STX11: variants seen among roughly 807,000 people sequenced by gnomAD.
The protein encoded by STX11 is syntaxin 11.
A neutral mutation model predicts 19.9 loss-of-function variants in STX11; 21 were observed. That is an observed-to-expected ratio of 1.06 (90% confidence interval 0.75 to 1.52). The LOEUF is 1.52. Ranked by LOEUF, STX11 falls within the 40% of genes most tolerant of loss-of-function variation. STX11 has a pLI of 0.00. For missense variants in STX11, 438 were observed against 405.9 expected (o/e 1.08, Z -0.68); for synonymous variants, 193 against 174.4 (o/e 1.11, Z -0.84).
At position 144,154,117 on chromosome 6, in the gene STX11, A is replaced by G. The variant is rs548056016; in HGVS notation, c.-6+3414A>G. 3.9e-5 allele frequency among the ~76,000 whole-genome samples: 6 copies of G among 152,330 alleles called. No homozygotes were observed. Among genetic ancestry groups the G allele is most frequent in the Admixed American group, 1.3e-4 (2 of 15,308 alleles). ...TGGTGAAGAAAGTGCAGTGTTAGTA[A>G]CTGACAGAGCCAGAAATGGATCCCA... On this transcript the variant is annotated intron_variant, in intron 1 of 1. Coordinates refer to ENST00000367568, the MANE Select transcript of STX11 (RefSeq NM_003764.4). The surrounding 1 kb of genome is among the most constrained non-coding windows in gnomAD (Gnocchi z 4.7).
upstream of STX11, among the ~76,000 whole-genome samples, chr6:144,147,475 C>G (rs1048366228): frequency 1.3e-5 from 2 of 152,142 alleles, no homozygotes; most frequent in African/African-American, 4.8e-5. This position sits in a 1 kb window ranked among gnomAD's most constrained non-coding sequence, Gnocchi z 4.2. Flanking sequence ...TTCTCATTCT[C>G]TTTTTTTGAT....
rs1802091920 is a variant in STX11 at position 144,187,485 on chromosome 6, C to A, written c.858C>A (p.Leu286=). The A allele has an allele frequency of 6.2e-7, 1 of 1,612,458 alleles. No homozygotes were observed. Among genetic ancestry groups the A allele is most frequent in the Admixed American group, 1.7e-5 (1 of 60,008 alleles). The change falls in exon 2 of 2, where the codon CTC becomes CTA. Residue 286 remains leucine (L), a synonymous_variant. Coordinates refer to ENST00000367568, the MANE Select transcript of STX11 (RefSeq NM_003764.4). The surrounding 1 kb of genome is among the most constrained non-coding windows in gnomAD (Gnocchi z 5.6). ...TCTGCTGCTTCTGCTGTCCCTGCCT[C>A]AAGTAGCAGGCCGGCCCGGGCCGCC... ...RTLCCFCCPC[L]K
rs1801503134 is a variant in STX11 at position 144,167,095 on chromosome 6, C to T, written c.-6+16392C>T. Among the ~76,000 whole-genome samples the T allele has an allele frequency of 1.3e-5, 2 of 152,144 alleles. No individual in the cohort carries two copies. Among genetic ancestry groups the T allele is most frequent in the Admixed American group, 6.6e-5 (1 of 15,264 alleles). The stretch of plus-strand genomic sequence containing the variant: ...CAGGATTGGTTCTTCTGAACACTGT[C>T]TCTTAAGTGTTGGCAACCTTCTGGT... On this transcript the variant is annotated intron_variant, in intron 1 of 1. Coordinates refer to ENST00000367568, the MANE Select transcript of STX11 (RefSeq NM_003764.4). The surrounding 1 kb of genome is among the most constrained non-coding windows in gnomAD (Gnocchi z 5.0).
chr6:144,186,742 C>A lies in STX11; in HGVS notation c.115C>A (p.His39Asn). 1 of 1,614,166 alleles carries A rather than the reference C, an allele frequency of 6.2e-7. No individual in the cohort carries two copies. The highest frequency in any genetic ancestry group is 8.5e-7 in the Non-Finnish European group (1 of 1,180,034). ...PHEDIVFETD[H>N]ILESLYRDIR... is the part of the protein sequence containing the mutation. ...CGAGGACATCGTGTTCGAGACGGAC[C>A]ACATCCTGGAGTCCCTGTACCGAGA... The change falls in exon 2 of 2, where the codon CAC becomes AAC. Residue 39 changes from histidine (H) to asparagine (N), a missense_variant. His to Asn is a moderately conservative substitution (Grantham distance 68, BLOSUM62 1). Transcript: ENST00000367568.
rs1030690293 is a variant in STX11, at chr6:144,191,467, A to G, written c.*3976A>G. Among the ~76,000 whole-genome samples the G allele has an allele frequency of 6.6e-6, 1 of 151,598 alleles. No homozygotes were observed. Among genetic ancestry groups the G allele is most frequent in the Non-Finnish European group, 1.5e-5 (1 of 67,966 alleles). ...CTTTATAGTTAAATGTCATATGCAGATATGTTCAGGCTCTAACATATAAAG... is the reference window on the plus strand; with the variant it reads ...CTTTATAGTTAAATGTCATATGCAGGTATGTTCAGGCTCTAACATATAAAG... On this transcript the variant is annotated 3_prime_UTR_variant, in exon 2 of 2. Transcript: ENST00000367568.
chr6:144,171,978 TTA>T (rs1380471358), intron 1 of STX11, among the ~76,000 whole-genome samples: 3 of 152,234 alleles, frequency 2.0e-5, no homozygotes, highest in African/African-American at 7.2e-5. Flanking sequence ...TTCACGTTGC[TTA>T]TGTTTGTGTT....
In STX11 at chr6:144,155,593, G is replaced by T. The variant is rs1262434290; in HGVS notation, c.-6+4890G>T. ...TGCTCAGATCACAAGAAAGGGAAGG[G>T]TTTTGGCTAATATTTCATATCGGTT... is the stretch of plus-strand genomic sequence containing the variant. On this transcript the variant is annotated intron_variant, in intron 1 of 1. Coordinates refer to ENST00000367568, the MANE Select transcript of STX11 (RefSeq NM_003764.4). The surrounding 1 kb of genome is among the most constrained non-coding windows in gnomAD (Gnocchi z 4.5). 1.3e-5 allele frequency among the ~76,000 whole-genome samples: 2 copies of T among 152,158 alleles called. No homozygotes were observed. Among genetic ancestry groups the T allele is most frequent in the Non-Finnish European group, 2.9e-5 (2 of 68,026 alleles).
chr6:144,185,117 C>G (rs1359044103), intron 1 of STX11, among the ~76,000 whole-genome samples: 1 of 152,170 alleles, frequency 6.6e-6, no homozygotes, highest in Non-Finnish European at 1.5e-5. Flanking sequence ...GCACTTTAAG[C>G]AGCTTACATT....
chr6:144,191,161 C>G lies in STX11; in HGVS notation c.*3670C>G, dbSNP rs79283142. ...GCTATTTTAACATATACAGTGACTA[C>G]TTTCTACTAGCCAAATATCAAATTT... On this transcript the variant is annotated 3_prime_UTR_variant, in exon 2 of 2. Transcript: ENST00000367568. 0.012 allele frequency among the ~76,000 whole-genome samples: 1,864 copies of G among 150,996 alleles called. 19 individuals are homozygous for G. Among genetic ancestry groups the G allele is most frequent in the South Asian group, 0.026 (122 of 4,734 alleles).
intron 1 of STX11, among the ~76,000 whole-genome samples, chr6:144,166,817 T>C (rs1367238759): frequency 6.6e-6 from 1 of 152,084 alleles, no homozygotes; most frequent in Non-Finnish European, 1.5e-5. Context: ...TGAGCCACAG[T>C]GCCTGGCCCC....
In STX11 at chr6:144,184,308, C is replaced by T. The variant is rs1584056767; in HGVS notation, c.-5-2315C>T. Among the ~76,000 whole-genome samples the T allele has an allele frequency of 6.6e-6, 1 of 152,210 alleles. No individual in the cohort carries two copies. Among genetic ancestry groups the T allele is most frequent in the East Asian group, 1.9e-4 (1 of 5,206 alleles). On this transcript the variant is annotated intron_variant, in intron 1 of 1. Transcript: ENST00000367568. This position sits in a 1 kb window ranked among gnomAD's most constrained non-coding sequence, Gnocchi z 6.5. ...CACAATGGTTGAACTAATTCACATT[C>T]CCACCAACAGTGTAAAAGCATTCCT... is the stretch of plus-strand genomic sequence containing the variant.
Position 144,152,644 on chromosome 6 carries a change from G to GT in STX11, c.-6+1947dup, listed in dbSNP as rs1801034989. Among the ~76,000 whole-genome samples the GT allele has an allele frequency of 1.3e-5, 2 of 152,114 alleles. No homozygotes were observed. Among genetic ancestry groups the GT allele is most frequent in the African/African-American group, 4.8e-5 (2 of 41,422 alleles). The stretch of plus-strand genomic sequence containing the variant: ...TTAATAGGTTGTTTTGTTTTGTTTT[G>GT]TTTTTTGAGACAGAGTCTCACTCTG... On this transcript the variant is annotated intron_variant, in intron 1 of 1. Transcript: ENST00000367568. The surrounding 1 kb of genome is among the most constrained non-coding windows in gnomAD (Gnocchi z 4.9).
chr6:144,166,406 C>T (rs946828147), intron 1 of STX11, among the ~76,000 whole-genome samples: 1 of 152,124 alleles, frequency 6.6e-6, no homozygotes, highest in Non-Finnish European at 1.5e-5. Flanking sequence ...TTGGGGTAAC[C>T]ACCTTGAGGT....
chr6:144,189,854 G>C lies in STX11; in HGVS notation c.*2363G>C, dbSNP rs569775380. ...CTTTGACTTAATTTGCTTTCTCTAA[G>C]GGAAAGGGGAAAAAATGTTCACATA... is the stretch of plus-strand genomic sequence containing the variant. On this transcript the variant is annotated 3_prime_UTR_variant, in exon 2 of 2. Transcript: ENST00000367568. 1.3e-5 allele frequency among the ~76,000 whole-genome samples: 2 copies of C among 152,202 alleles called. No individual in the cohort carries two copies. Among genetic ancestry groups the C allele is most frequent in the South Asian group, 4.2e-4 (2 of 4,818 alleles).
rs1802178164 is a variant in STX11, at chr6:144,190,093, T to G, written c.*2602T>G. Among the ~76,000 whole-genome samples the G allele has an allele frequency of 6.6e-6, 1 of 152,248 alleles. No individual in the cohort carries two copies. Among genetic ancestry groups the G allele is most frequent in the Admixed American group, 6.5e-5 (1 of 15,288 alleles). On this transcript the variant is annotated 3_prime_UTR_variant, in exon 2 of 2. Transcript: ENST00000367568. The stretch of plus-strand genomic sequence containing the variant: ...TTATATTGGAGAGTTCGGTACAGAC[T>G]GTCCATTACTGCACCAAAAGAATGA...
At chr6:144,146,896 T>C (rs1399751872), upstream of STX11, among the ~76,000 whole-genome samples, 5 of 152,096 alleles carry the variant, frequency 3.3e-5, no homozygotes, top group South Asian at 1.0e-3. The surrounding 1 kb of genome is among the most constrained non-coding windows in gnomAD (Gnocchi z 4.4). Flanking sequence ...AAAAGTAAAT[T>C]GTGGATGGGG....
rs1801890938 is a variant in STX11 at position 144,180,705 on chromosome 6, T to G, written c.-5-5918T>G. Among the ~76,000 whole-genome samples the G allele has an allele frequency of 6.6e-6, 1 of 152,200 alleles. No individual in the cohort carries two copies. The highest frequency in any genetic ancestry group is 2.4e-5 in the African/African-American group (1 of 41,452). On this transcript the variant is annotated intron_variant, in intron 1 of 1. Transcript: ENST00000367568. This position sits in a 1 kb window ranked among gnomAD's most constrained non-coding sequence, Gnocchi z 5.3. Reference sequence around the variant, plus strand: ...CTTTATCAGCAGTGTGAAAATGGACTAATACAATGTGATTGTCACCTCCAC... The same window carrying G: ...CTTTATCAGCAGTGTGAAAATGGACGAATACAATGTGATTGTCACCTCCAC...
In STX11 at chr6:144,177,183, T is replaced by TAC. The variant is rs1801797836; in HGVS notation, c.-5-9438_-5-9437dup. Among the ~76,000 whole-genome samples the TAC allele has an allele frequency of 6.6e-6, 1 of 152,228 alleles. No homozygotes were observed. The highest frequency in any genetic ancestry group is 2.4e-5 in the African/African-American group (1 of 41,454). On this transcript the variant is annotated intron_variant, in intron 1 of 1. Transcript: ENST00000367568. This position sits in a 1 kb window ranked among gnomAD's most constrained non-coding sequence, Gnocchi z 4.4. Reference sequence around the variant, plus strand: ...TTTCAAAGATACTTCATGGAATAGTTACAAAATATAAAGGAATTACTTAAA... The same window carrying TAC: ...TTTCAAAGATACTTCATGGAATAGTTACACAAAATATAAAGGAATTACTTAAA...
chr6:144,163,032 T>C (rs1801382211), intron 1 of STX11, among the ~76,000 whole-genome samples: 1 of 152,188 alleles, frequency 6.6e-6, no homozygotes, highest in South Asian at 2.1e-4. Context: ...ACTAAGCTAT[T>C]CTTTGTGTCG....
Sources: gnomAD v4.1 joint callset for allele counts (sites outside exome capture counted in the v4.1 genomes callset) on GRCh38, gnomAD v4.1.1 for gene constraint, Gnocchi (gnomAD v3.1) non-coding constraint, MANE v1.5 for transcripts, NCBI Gene and HGNC (gene_info 2026-07-23, HGNC 2026-07-21) for gene names.